The following TBCD variants were observed in gnomAD, a reference collection of about 807,000 sequenced individuals.
The protein encoded by TBCD is tubulin folding cofactor D, also known as tubulin-specific chaperone D.
TBCD carries 105 observed loss-of-function variants against 169.3 expected under a neutral mutation model. The ratio of observed to expected loss-of-function variants is 0.62; its 90% CI spans 0.53 to 0.73. The LOEUF is 0.73. Among genes scored for constraint, TBCD ranks in the 30% least tolerant of loss-of-function variants. The pLI, the probability that TBCD is intolerant of heterozygous loss-of-function variation, is 0.00. For synonymous variants in TBCD, 700 were observed against 643.9 expected, an observed-to-expected ratio of 1.09 and a Z score of -1.32; for missense variants, 1,444 against 1,600.1, an observed-to-expected ratio of 0.90 and a Z score of 1.66.
chr17:82,882,914 G>A (rs979710353), intron 14 of TBCD, among the ~76,000 whole-genome samples: 6 of 152,102 alleles, frequency 3.9e-5, no homozygotes, highest in Non-Finnish European at 1.5e-5. Flanking sequence ...CGGTGTCCGC[G>A]CTGCCAGGCT....
chr17:82,809,207 A>C (rs1237231270), intron 11 of TBCD, among the ~76,000 whole-genome samples: 1 of 151,996 alleles, frequency 6.6e-6, no homozygotes, highest in African/African-American at 2.4e-5. Flanking sequence ...TCCTTCCTGG[A>C]GGCCCCTGGC....
intron 1 of TBCD, among the ~76,000 whole-genome samples, chr17:82,752,785 G>T (rs1294370611): frequency 2.6e-5 from 4 of 152,218 alleles, no homozygotes; most frequent in Middle Eastern, 3.2e-3. Flanking sequence ...TCCCAGGCTT[G>T]CCTCCACCGA....
rs184879292 is a variant in TBCD, at chr17:82,761,473, T to C, written c.236-2492T>C. Reference sequence around the variant, plus strand: ...GTATACACCCCGCGCTATCAAGATATGGAACATTTCTGTCATCCCAAGGAG... The same window carrying C: ...GTATACACCCCGCGCTATCAAGATACGGAACATTTCTGTCATCCCAAGGAG... On this transcript the variant is annotated intron_variant, in intron 2 of 38. Transcript: ENST00000355528. Among the ~76,000 whole-genome samples the C allele has an allele frequency of 4.3e-4, 66 of 152,340 alleles. No homozygotes were observed. In the East Asian group the frequency reaches 0.01, roughly 23 times the overall value.
chr17:82,804,107 T>TGCTC (rs2050776552), intron 9 of TBCD, among the ~76,000 whole-genome samples: 1 of 78,170 alleles, frequency 1.3e-5, no homozygotes, highest in Non-Finnish European at 2.4e-5. Flanking sequence ...TGCACCTGCC[T>TGCTC]GTAGAGTTTA....
chr17:82,899,231 GC>G (rs1201372805), intron 17 of TBCD, among the ~76,000 whole-genome samples: 4 of 148,330 alleles, frequency 2.7e-5, no homozygotes, highest in Non-Finnish European at 5.9e-5. Flanking sequence ...TGTGTCCTCA[GC>G]GCATGTCCTC....
In TBCD at chr17:82,835,942, AG is replaced by A. The variant is rs1274154383; in HGVS notation, c.1318+21011del. ...ACAAGATGTTTGTTACCCTACAACC[AG>A]GGAGGGTGTCGGGTGACACCCTGGG... On this transcript the variant is annotated intron_variant, in intron 13 of 38. Coordinates refer to ENST00000355528, the MANE Select transcript of TBCD (RefSeq NM_005993.5). The surrounding 1 kb of genome is among the most constrained non-coding windows in gnomAD (Gnocchi z 4.5). Among the ~76,000 whole-genome samples, 9 of 152,226 alleles carry A rather than the reference AG, an allele frequency of 5.9e-5. No individual in the cohort carries two copies. Among genetic ancestry groups the A allele is most frequent in the Non-Finnish European group, 2.9e-5 (2 of 68,034 alleles).
At chr17:82,939,260 C>T in intron 36 of TBCD, 107 bp from the exon 37 acceptor site, 1 of 864,654 alleles carries the variant, frequency 1.2e-6, no homozygotes, top group Middle Eastern at 2.7e-4. Flanking sequence ...CAGCGTCCTC[C>T]TCCTGACGCC....
In TBCD at chr17:82,833,918, G is replaced by GC. The variant is rs2053728594; in HGVS notation, c.1318+18986dup. On this transcript the variant is annotated intron_variant, in intron 13 of 38. Coordinates refer to ENST00000355528, the MANE Select transcript of TBCD (RefSeq NM_005993.5). This position sits in a 1 kb window ranked among gnomAD's most constrained non-coding sequence, Gnocchi z 4.7. ...GCCTCAGGTTTCCTTCAGAGGCTGT[G>GC]CCGCACGCCCAAGGCTGAGAACAAA... Among the ~76,000 whole-genome samples, 1 of 151,892 alleles carries GC rather than the reference G, an allele frequency of 6.6e-6. No individual in the cohort carries two copies.
At chr17:82,939,327 G>A (rs989050749) in intron 36 of TBCD, 40 bp from the exon 37 acceptor site, 21 of 1,536,030 alleles carry the variant, frequency 1.4e-5, no homozygotes, top group Non-Finnish European at 1.8e-5. Flanking sequence ...GTGGGGCGGT[G>A]GCGCTTCCCT....
At chr17:82,757,150 G>A (rs111759246) in intron 2 of TBCD, among the ~76,000 whole-genome samples, 1 of 152,200 alleles carries the variant, frequency 6.6e-6, no homozygotes, top group African/African-American at 2.4e-5. Flanking sequence ...GGGCACCCTG[G>A]CTTCATAGCC....
At chr17:82,937,115 G>A (rs2062697833) in intron 34 of TBCD, 156 bp from the exon 35 acceptor site, 1 of 634,100 alleles carries the variant, frequency 1.6e-6, no homozygotes. Flanking sequence ...ATTGGGATGG[G>A]GACCAGCGGA....
chr17:82,752,610 C>T (rs922123278), intron 1 of TBCD, among the ~76,000 whole-genome samples: 1 of 152,064 alleles, frequency 6.6e-6, no homozygotes, highest in Non-Finnish European at 1.5e-5. Flanking sequence ...GGGACCGTGG[C>T]CCGCGGAGCG....
At position 82,883,854 on chromosome 17, in the gene TBCD, C is replaced by T. The variant is rs532189763; in HGVS notation, c.1476-291C>T. Reference sequence around the variant, plus strand: ...ACAGCAGGCCAGGTGCGTTCTGCCCCCAGGCCCTGTCCTCGTGGCTCTTTG... The same window carrying T: ...ACAGCAGGCCAGGTGCGTTCTGCCCTCAGGCCCTGTCCTCGTGGCTCTTTG... On this transcript the variant is annotated intron_variant, in intron 14 of 38. Coordinates refer to ENST00000355528, the MANE Select transcript of TBCD (RefSeq NM_005993.5). Among the ~76,000 whole-genome samples, 4 of 152,370 alleles carry T rather than the reference C, an allele frequency of 2.6e-5. No homozygotes were observed. The South Asian group carries it at 6.2e-4, about 24-fold the overall frequency.
At chr17:82,927,479 T>C (rs982122508) in intron 29 of TBCD, among the ~76,000 whole-genome samples, 156 bp downstream of exon 29, 1 of 152,114 alleles carries the variant, frequency 6.6e-6, no homozygotes, top group Admixed American at 6.5e-5. Context: ...TGTTCTCTGC[T>C]CCCGGGTGAG....
At chr17:82,757,268 C>T (rs2047451189) in intron 2 of TBCD, among the ~76,000 whole-genome samples, 2 of 152,178 alleles carry the variant, frequency 1.3e-5, no homozygotes, top group Non-Finnish European at 2.9e-5. Context: ...CATGTGCGCA[C>T]ACGTGCCTCT....
At chr17:82,776,435 T>C (rs562944365) in intron 6 of TBCD, among the ~76,000 whole-genome samples, 21 of 152,262 alleles carry the variant, frequency 1.4e-4, no homozygotes, top group Non-Finnish European at 2.8e-4. Flanking sequence ...TCTTGAAACA[T>C]AGAAGTTGGA....
intron 9 of TBCD, among the ~76,000 whole-genome samples, chr17:82,801,697 GCGT>G (rs2050560155): frequency 7.6e-6 from 1 of 131,066 alleles, no homozygotes; most frequent in Non-Finnish European, 1.6e-5. Flanking sequence ...GGCGGCGTGT[GCGT>G]TGTGTGGCTC....
chr17:82,872,085 G>C (rs182352169), intron 14 of TBCD, among the ~76,000 whole-genome samples: 3 of 152,168 alleles, frequency 2.0e-5, no homozygotes, highest in African/African-American at 4.8e-5. Context: ...ACTTCCCTGG[G>C]TGTGCAGCAC....
Position 82,830,378 on chromosome 17 carries a change from G to C in TBCD, c.1318+15444G>C, listed in dbSNP as rs546792003. 70 of 1,612,850 alleles carry C rather than the reference G, an allele frequency of 4.3e-5. 1 individual carries two copies. In the South Asian group the frequency reaches 5.1e-4, roughly 12 times the overall value. ...CCATCGCCCACCCGGATGTTCCTGG[G>C]GCTGTAGGCCGCCAGCTGGCACAGG... On this transcript the variant is annotated intron_variant, in intron 13 of 38. Transcript: ENST00000355528.
Sources: allele counts gnomAD v4.1 joint callset (sites outside exome capture counted in the v4.1 genomes callset), GRCh38; gene constraint gnomAD v4.1.1; non-coding constraint Gnocchi (gnomAD v3.1); transcripts MANE v1.5; gene names NCBI Gene and HGNC (gene_info 2026-07-23, HGNC 2026-07-21).